Variants in PRSS23 observed in about 807,000 individuals in gnomAD.
PRSS23 encodes protease, serine 23.
In PRSS23, 25 loss-of-function variants were observed where a neutral mutation model predicts 34.7. The ratio of observed to expected loss-of-function variants is 0.72; its 90% CI spans 0.53 to 1.01. The LOEUF is 1.01. PRSS23 is among the 50% of genes least tolerant of loss of function. The pLI is 0.00. For missense variants in PRSS23, 445 were observed against 475.6 expected (o/e 0.94, Z 0.60); for synonymous variants, 176 against 186.6 (o/e 0.94, Z 0.46).
At chr11:86,829,050 A>G (rs1433432947) in intron 2 of PRSS23, among the ~76,000 whole-genome samples, 2 of 152,090 alleles carry the variant, frequency 1.3e-5, no homozygotes, top group Non-Finnish European at 2.9e-5. Flanking sequence ...CTGCCTTGCT[A>G]TATTGGGAAG....
chr11:86,796,202 G>A (rs1434008206), upstream of PRSS23, among the ~76,000 whole-genome samples: 4 of 152,170 alleles, frequency 2.6e-5, no homozygotes, highest in Admixed American at 2.0e-4. Flanking sequence ...ATGGAATCCA[G>A]CAAAAGAATG....
At chr11:86,890,500 C>T (rs1331291458) in intron 2 of PRSS23, among the ~76,000 whole-genome samples, 4 of 152,088 alleles carry the variant, frequency 2.6e-5, no homozygotes, top group Non-Finnish European at 2.9e-5. Context: ...TTAAGCATAC[C>T]CTTAGACTGA....
chr11:86,916,590 T>C (rs1949014279), intron 2 of PRSS23, among the ~76,000 whole-genome samples: 2 of 152,108 alleles, frequency 1.3e-5, no homozygotes, highest in South Asian at 2.1e-4. Context: ...AGATGGTTAG[T>C]GGAAAGAGAG....
chr11:86,951,990 T>C lies in PRSS23; in HGVS notation c.*705T>C, dbSNP rs104894223. The C allele has an allele frequency of 5.2e-4, 840 of 1,613,952 alleles. 1 individual carries two copies. Among genetic ancestry groups the C allele is most frequent in the Non-Finnish European group, 6.3e-4 (742 of 1,180,018 alleles). ...ATATTATAGCACATACTGAGAAATATGATGGGGCGCTCAGGGTAGGAAAAC... is the reference window on the plus strand; with the variant it reads ...ATATTATAGCACATACTGAGAAATACGATGGGGCGCTCAGGGTAGGAAAAC... On this transcript the variant is annotated 3_prime_UTR_variant, in exon 3 of 3. Coordinates refer to the PRSS23 transcript ENST00000533902.
intron 2 of PRSS23, among the ~76,000 whole-genome samples, chr11:86,825,789 G>A (rs1381390790): frequency 1.3e-5 from 2 of 150,646 alleles, no homozygotes; most frequent in Non-Finnish European, 3.0e-5. Context: ...TCAGATAGTT[G>A]TAGATATGCG....
At chr11:86,884,511 G>A (rs1419501526) in intron 2 of PRSS23, among the ~76,000 whole-genome samples, 1 of 152,140 alleles carries the variant, frequency 6.6e-6, no homozygotes, top group Non-Finnish European at 1.5e-5. Flanking sequence ...TGCTGGCCAA[G>A]CTGGTCTCGA....
At chr11:86,852,538 A>T (rs1565366227) in intron 2 of PRSS23, among the ~76,000 whole-genome samples, 1 of 152,042 alleles carries the variant, frequency 6.6e-6, no homozygotes, top group East Asian at 1.9e-4. Flanking sequence ...TTATTTTGGG[A>T]AATATACCAC....
At chr11:86,825,912 G>T (rs532108040) in intron 2 of PRSS23, among the ~76,000 whole-genome samples, 51 of 151,650 alleles carry the variant, frequency 3.4e-4, no homozygotes, top group African/African-American at 1.1e-3. Flanking sequence ...AGTCAGGTAG[G>T]GTGATGCCTC....
At position 86,819,230 on chromosome 11, in the gene PRSS23, C is replaced by T. The variant is rs137939434; in HGVS notation, c.-11-4147C>T. Among the ~76,000 whole-genome samples, 263 of 152,216 alleles carry T rather than the reference C, an allele frequency of 1.7e-3. 1 individual carries two copies. Among genetic ancestry groups the T allele is most frequent in the African/African-American group, 6.2e-3 (259 of 41,532 alleles). On this transcript the variant is annotated intron_variant, in intron 1 of 2. Transcript: ENST00000533902. ...CCTTTGAGTTTCTGTAGAAAGCCAG[C>T]GAGAGACCCAGACAGCATCACAGAC... is the stretch of plus-strand genomic sequence containing the variant.
In PRSS23 at chr11:86,808,083, A is replaced by C. The variant is rs1948126590; in HGVS notation, c.440A>C (p.Asn147Thr). ...FSIFGKDFLL[N>T]YPFSTSVKLS... ...ATTTTTGGGAAGGACTTCCTGCTCA[A>C]CTACCCTTTCTCAACATCAGTGAAG... Residue 147 changes from asparagine to threonine, a missense_variant, in exon 2 of 2, where the codon AAC (asparagine) becomes ACC (threonine). Physicochemically the swap from Asn to Thr is moderately conservative, Grantham distance 65. Transcript: ENST00000280258. The C allele has an allele frequency of 6.2e-7, 1 of 1,613,978 alleles. No individual in the cohort carries two copies. Among genetic ancestry groups the C allele is most frequent in the Non-Finnish European group, 8.5e-7 (1 of 1,180,034 alleles).
intron 2 of PRSS23, among the ~76,000 whole-genome samples, chr11:86,873,217 G>T (rs7944431): frequency 0.54 from 70,057 of 129,628 alleles, 19,498 homozygotes; most frequent in African/African-American, 0.7. Context: ...CACACACACA[G>T]ATATATGTAT....
intron 2 of PRSS23, among the ~76,000 whole-genome samples, chr11:86,925,640 T>G (rs1180142637): frequency 6.6e-6 from 1 of 152,198 alleles, no homozygotes; most frequent in African/African-American, 2.4e-5. Flanking sequence ...GCACTCTCTA[T>G]GTACCAAGAG....
chr11:86,848,256 T>C (rs558631511), intron 2 of PRSS23, among the ~76,000 whole-genome samples: 2 of 152,162 alleles, frequency 1.3e-5, no homozygotes, highest in Admixed American at 6.5e-5. Flanking sequence ...GATCAGACCT[T>C]AAGTCCTACT....
chr11:86,820,873 T>C (rs1948246838), intron 1 of PRSS23, among the ~76,000 whole-genome samples: 1 of 152,208 alleles, frequency 6.6e-6, no homozygotes, highest in African/African-American at 2.4e-5. Context: ...GCAGCAATTT[T>C]ACCCAACTGT....
chr11:86,858,127 T>C (rs1948585708), intron 2 of PRSS23, among the ~76,000 whole-genome samples: 1 of 152,078 alleles, frequency 6.6e-6, no homozygotes, highest in Non-Finnish European at 1.5e-5. Flanking sequence ...ACACCCCTGC[T>C]GTGATATTGT....
chr11:86,807,460 C>G (rs1483861225), intron 1 of PRSS23, among the ~76,000 whole-genome samples, 171 bp from the exon 2 acceptor site: 1 of 152,162 alleles, frequency 6.6e-6, no homozygotes, highest in African/African-American at 2.4e-5. Flanking sequence ...TAAGGTTGAG[C>G]CTTTGCGTTG....
In PRSS23 at chr11:86,951,375, T is replaced by G. The variant is rs1216594673; in HGVS notation, c.*90T>G. On this transcript the variant is annotated 3_prime_UTR_variant, in exon 3 of 3. Coordinates refer to the PRSS23 transcript ENST00000533902. The stretch of plus-strand genomic sequence containing the variant: ...GCAGAATACCGAAAAAGTGCCCAGT[T>G]GGAGATTTCATAAAAATAACAGGCA... The G allele has an allele frequency of 2.5e-6, 4 of 1,613,824 alleles. No homozygotes were observed. Among genetic ancestry groups the G allele is most frequent in the Non-Finnish European group, 3.4e-6 (4 of 1,179,680 alleles).
intron 2 of PRSS23, among the ~76,000 whole-genome samples, chr11:86,891,905 G>A (rs1948844283): frequency 6.6e-6 from 1 of 152,160 alleles, no homozygotes; most frequent in Admixed American, 6.5e-5. Context: ...CTTCCACCAT[G>A]ACTGGAAGTT....
rs534859135 is a variant in PRSS23, at chr11:86,847,621, A to T, written c.206+24028A>T. On this transcript the variant is annotated intron_variant, in intron 2 of 2. Coordinates refer to the PRSS23 transcript ENST00000533902. ...TCCAGATGGGCACCACACCTTCCAA[A>T]CCGGACACTCCCTTAAGATGTATCC... Among the ~76,000 whole-genome samples, 13 of 152,164 alleles carry T rather than the reference A, an allele frequency of 8.5e-5. No individual in the cohort carries two copies. In the East Asian group the frequency reaches 2.3e-3, roughly 27 times the overall value.
Sources: gnomAD v4.1 joint callset for allele counts (sites outside exome capture counted in the v4.1 genomes callset) on GRCh38, gnomAD v4.1.1 for gene constraint, MANE v1.5 for transcripts, NCBI Gene and HGNC (gene_info 2026-07-23, HGNC 2026-07-21) for gene names.